The following XRN1 variants were observed in gnomAD, a reference collection of about 807,000 sequenced individuals.
XRN1 encodes 5'-3' exoribonuclease 1.
Under a neutral mutation model 222.3 loss-of-function variants are expected in XRN1, and 67 were observed. The ratio of observed to expected loss-of-function variants is 0.30; its 90% CI spans 0.25 to 0.37. XRN1 has a LOEUF of 0.37. Among genes scored for constraint, XRN1 ranks in the 10% least tolerant of loss-of-function variants. The pLI, the probability that XRN1 is intolerant of heterozygous loss-of-function variation, is 1.00. For synonymous variants in XRN1, 643 were observed against 652.4 expected (o/e 0.99, Z 0.22); for missense variants, 1,707 against 2,000.2 (o/e 0.85, Z 2.80).
chr3:142,385,514 T>C (rs1449434001), intron 20 of XRN1, among the ~76,000 whole-genome samples: 2 of 152,186 alleles, frequency 1.3e-5, no homozygotes, highest in Non-Finnish European at 2.9e-5. Flanking sequence ...GTTTTTTAGA[T>C]AAAAGTTTAC....
At chr3:142,442,281 T>A (rs896538228) in intron 1 of XRN1, among the ~76,000 whole-genome samples, 4 of 152,154 alleles carry the variant, frequency 2.6e-5, no homozygotes, top group Admixed American at 1.3e-4. Flanking sequence ...GAGGTGGCAG[T>A]CTTACACTGC....
At chr3:142,374,853 G>A (rs1046565920) in intron 25 of XRN1, among the ~76,000 whole-genome samples, 10 of 152,202 alleles carry the variant, frequency 6.6e-5, no homozygotes, top group Non-Finnish European at 1.0e-4. Flanking sequence ...GTTTTTAGTA[G>A]AGGCAGTCAA....
intron 39 of XRN1, chr3:142,313,191 A>T: frequency 1.2e-6 from 2 of 1,612,222 alleles, no homozygotes; most frequent in African/African-American, 1.3e-5. Flanking sequence ...AAAAACCAAA[A>T]AACCTCAAGT....
At chr3:142,333,220 A>C in intron 34 of XRN1, 131 bp from the exon 35 acceptor site, 4 of 1,069,944 alleles carry the variant, frequency 3.7e-6, no homozygotes, top group Non-Finnish European at 5.2e-6. Flanking sequence ...AAGTTTGGGA[A>C]GAGAATTGGA....
chr3:142,319,459 TTATAAC>T (rs1475324925), intron 37 of XRN1, among the ~76,000 whole-genome samples: 2 of 152,226 alleles, frequency 1.3e-5, no homozygotes, highest in African/African-American at 4.8e-5. Context: ...CATATTTAAA[TTATAAC>T]TATATTATAC....
In XRN1 at chr3:142,439,195, T is replaced by C. The variant is rs2070078337; in HGVS notation, c.76-6302A>G. Among the ~76,000 whole-genome samples the C allele has an allele frequency of 2.0e-5, 3 of 152,346 alleles. No homozygotes were observed. In the South Asian group the frequency reaches 6.2e-4, roughly 32 times the overall value. Reference sequence around the variant, plus strand: ...AATCCTTTGATCTGACATGGAGAGATATAATGTTACTGCTAGATCAGACAC... The same window carrying C: ...AATCCTTTGATCTGACATGGAGAGACATAATGTTACTGCTAGATCAGACAC... On this transcript the variant is annotated intron_variant, in intron 1 of 40. Transcript: ENST00000392981.
At chr3:142,382,532 A>G (rs1157317918) in intron 22 of XRN1, among the ~76,000 whole-genome samples, 1 of 152,166 alleles carries the variant, frequency 6.6e-6, no homozygotes, top group Non-Finnish European at 1.5e-5. Flanking sequence ...TTTACATGAC[A>G]TACTCCCACC....
Position 142,312,632 on chromosome 3 carries a change from G to T in XRN1, c.4748C>A (p.Pro1583Gln). 1 of 1,612,976 alleles carries T rather than the reference G, an allele frequency of 6.2e-7. No individual in the cohort carries two copies. The highest frequency in any genetic ancestry group is 2.2e-5 in the East Asian group (1 of 44,870). ...SGTMPMAGGI[P>Q]GGVHNQFIPL... Reference sequence around the variant, plus strand: ...TATAAACTGATTGTGCACACCCCCTGGTATTCCCCCAGCCATGGGCATGGT... The same window carrying T: ...TATAAACTGATTGTGCACACCCCCTTGTATTCCCCCAGCCATGGGCATGGT... The change falls in exon 40 of 41, where the codon CCA becomes CAA. Residue 1583 changes from proline to glutamine, a missense_variant. Coordinates refer to ENST00000392981, the MANE Select transcript of XRN1 (RefSeq NM_001282857.2).
chr3:142,403,737 C>T lies in XRN1; in HGVS notation c.2040G>A (p.Gln680=), dbSNP rs762315149. The change falls in exon 18 of 41, where the codon CAG becomes CAA. Residue 680 remains glutamine (Q), a synonymous_variant. Coordinates refer to ENST00000392981, the MANE Select transcript of XRN1 (RefSeq NM_001282857.2). Reference sequence around the variant, plus strand: ...TCATGTTTTCTCCACGACTGCTTTGCTGGAATACTTGAACACCACTTTTCT... The same window carrying T: ...TCATGTTTTCTCCACGACTGCTTTGTTGGAATACTTGAACACCACTTTTCT... The part of the protein sequence containing the change: ...FLKKSGVQVF[Q]QSSRGENMML... The T allele has an allele frequency of 6.2e-7, 1 of 1,613,136 alleles. No individual in the cohort carries two copies. The highest frequency in any genetic ancestry group is 8.5e-7 in the Non-Finnish European group (1 of 1,179,596).
chr3:142,319,857 G>C (rs985005586), intron 37 of XRN1, among the ~76,000 whole-genome samples: 5 of 151,734 alleles, frequency 3.3e-5, no homozygotes, highest in African/African-American at 9.7e-5. Context: ...TTTTATGGCT[G>C]GATAATATTA....
chr3:142,383,289 T>G lies in XRN1; in HGVS notation c.2616+11A>C. 1 of 1,595,668 alleles carries G rather than the reference T, an allele frequency of 6.3e-7. No homozygotes were observed. The highest frequency in any genetic ancestry group is 1.1e-5 in the South Asian group (1 of 88,778). ...GAGAAAAATGTATCAGTAACAATAATGGAAACTAACTTCTCCAGTGCAGCC... is the reference window on the plus strand; with the variant it reads ...GAGAAAAATGTATCAGTAACAATAAGGGAAACTAACTTCTCCAGTGCAGCC... On this transcript the variant is annotated intron_variant, in intron 22 of 40. Coordinates refer to ENST00000392981, the MANE Select transcript of XRN1 (RefSeq NM_001282857.2).
chr3:142,433,142 A>G (rs1048118998), intron 1 of XRN1, among the ~76,000 whole-genome samples: 5 of 152,208 alleles, frequency 3.3e-5, no homozygotes, highest in African/African-American at 1.2e-4. Context: ...ACTTATTCAA[A>G]ATAATAAGCT....
At chr3:142,446,038 T>C (rs2070486359) in intron 1 of XRN1, among the ~76,000 whole-genome samples, 2 of 152,248 alleles carry the variant, frequency 1.3e-5, no homozygotes, top group South Asian at 2.1e-4. Flanking sequence ...CACCTAGTTA[T>C]GTTTTGAGTT....
intron 20 of XRN1, among the ~76,000 whole-genome samples, chr3:142,393,466 G>A (rs1047136956): frequency 3.4e-5 from 5 of 148,244 alleles, no homozygotes; most frequent in Admixed American, 6.8e-5. Flanking sequence ...TAGGTCTAAC[G>A]TTTAAGTCTT....
chr3:142,320,290 T>C (rs1257114261), intron 37 of XRN1, among the ~76,000 whole-genome samples: 1 of 152,176 alleles, frequency 6.6e-6, no homozygotes, highest in African/African-American at 2.4e-5. Context: ...TGGTATCTCA[T>C]TGTGGCCCTA....
At chr3:142,387,193 C>A (rs945806595) in intron 20 of XRN1, among the ~76,000 whole-genome samples, 8 of 152,230 alleles carry the variant, frequency 5.3e-5, no homozygotes, top group African/African-American at 1.7e-4. Context: ...ACAATACTGA[C>A]CAAAAGAAAT....
At chr3:142,403,824 C>T (rs1264680510) in intron 17 of XRN1, 45 bp downstream of exon 17, 4 of 1,611,078 alleles carry the variant, frequency 2.5e-6, no homozygotes, top group African/African-American at 1.3e-5. Context: ...ATAATCACTT[C>T]ACACTTAATA....
chr3:142,403,746 T>G lies in XRN1; in HGVS notation c.2031A>C (p.Gln677His). The change falls in exon 18 of 41, where the codon CAA becomes CAC. Residue 677 changes from glutamine to histidine, a missense_variant. By Grantham distance (24) the Gln-to-His change is conservative (BLOSUM62 0). This residue lies in a region of XRN1 where 1,234 missense variants were observed against 1,518.2 expected (regional missense o/e 0.81). Coordinates refer to ENST00000392981, the MANE Select transcript of XRN1 (RefSeq NM_001282857.2). Reference sequence around the variant, plus strand: ...CTCCACGACTGCTTTGCTGGAATACTTGAACACCACTTTTCTTCAAAAAAA... The same window carrying G: ...CTCCACGACTGCTTTGCTGGAATACGTGAACACCACTTTTCTTCAAAAAAA... ...HKFFLKKSGV[Q>H]VFQQSSRGEN... 6.2e-7 allele frequency: 1 copy of G among 1,613,230 alleles called. No homozygotes were observed. Among genetic ancestry groups the G allele is most frequent in the Non-Finnish European group, 8.5e-7 (1 of 1,179,562 alleles).
At chr3:142,385,552 G>A (rs185010495) in intron 20 of XRN1, among the ~76,000 whole-genome samples, 1 of 152,114 alleles carries the variant, frequency 6.6e-6, no homozygotes, top group African/African-American at 2.4e-5. Context: ...TTTACTTCCT[G>A]TCTATGGCTG....
Sources: allele counts gnomAD v4.1 joint callset (sites outside exome capture counted in the v4.1 genomes callset), GRCh38; gene constraint gnomAD v4.1.1; regional missense constraint gnomAD v4.1.1; transcripts MANE v1.5; gene names NCBI Gene and HGNC (gene_info 2026-07-23, HGNC 2026-07-21).